CACNA1C: variants seen among roughly 807,000 people sequenced by gnomAD.
CACNA1C encodes the protein voltage-dependent L-type calcium channel subunit alpha-1C.
Under a neutral mutation model 229.0 loss-of-function variants are expected in CACNA1C, and 30 were observed. That is an observed-to-expected ratio of 0.13 (90% confidence interval 0.10 to 0.18). The LOEUF is 0.18. Among genes scored for constraint, CACNA1C ranks in the 10% least tolerant of loss-of-function variants. The pLI is 1.00. For synonymous variants in CACNA1C, 1,114 were observed against 1,132.5 expected (o/e 0.98, Z 0.33); for missense variants, 1,658 against 2,845.0 (o/e 0.58, Z 9.49).
chr12:2,002,726 T>A (rs1226176552), intron 1 of CACNA1C, among the ~76,000 whole-genome samples: 1 of 152,208 alleles, frequency 6.6e-6, no homozygotes, highest in Admixed American at 6.5e-5. Flanking sequence ...GGTCCTCATC[T>A]CTCTACTACG....
At chr12:2,194,064 C>T (rs1342837188) in intron 3 of CACNA1C, among the ~76,000 whole-genome samples, 13 of 152,114 alleles carry the variant, frequency 8.5e-5, no homozygotes, top group Non-Finnish European at 1.5e-5. Flanking sequence ...CTCTTAGAGT[C>T]AGCGGATTCC....
chr12:2,471,039 C>T (rs1298897406), intron 5 of CACNA1C, among the ~76,000 whole-genome samples: 1 of 152,174 alleles, frequency 6.6e-6, no homozygotes, highest in Non-Finnish European at 1.5e-5. Context: ...ACCATGTTGG[C>T]CAGGCAGGTC....
chr12:2,205,399 C>T (rs538818629), intron 3 of CACNA1C, among the ~76,000 whole-genome samples: 107 of 152,308 alleles, frequency 7.0e-4, no homozygotes, highest in African/African-American at 2.4e-3. Flanking sequence ...GCTTTCTCTT[C>T]GGGTCTCATT....
rs144592831 is a variant in CACNA1C, at chr12:2,142,599, C to T, written c.477+22169C>T. 1.1e-4 allele frequency among the ~76,000 whole-genome samples: 16 copies of T among 151,472 alleles called. 1 individual carries two copies. Among genetic ancestry groups the T allele is most frequent in the African/African-American group, 3.9e-4 (16 of 41,490 alleles). Reference sequence around the variant, plus strand: ...GGTAGCCATAAGAAGGCATTGTCATCTTAGGACATGCAGCTGTGTATTATT... The same window carrying T: ...GGTAGCCATAAGAAGGCATTGTCATTTTAGGACATGCAGCTGTGTATTATT... On this transcript the variant is annotated intron_variant, in intron 3 of 46. Transcript: ENST00000399655.
At chr12:2,590,577 C>A (rs1393394112) in intron 18 of CACNA1C, among the ~76,000 whole-genome samples, 1 of 152,138 alleles carries the variant, frequency 6.6e-6, no homozygotes, top group Non-Finnish European at 1.5e-5. Context: ...CTTCAGAAAT[C>A]GTTTCCTCTT....
Position 2,651,849 on chromosome 12 carries a change from C to A in CACNA1C, c.4074+81C>A. Reference sequence around the variant, plus strand: ...AGAACACAGCTGACACAAGGAGGAGCCCTCCACTCTGGGGCCCTGCTCCTT... The same window carrying A: ...AGAACACAGCTGACACAAGGAGGAGACCTCCACTCTGGGGCCCTGCTCCTT... On this transcript the variant is annotated intron_variant, in intron 32 of 46. Transcript: ENST00000399655. The surrounding 1 kb of genome is among the most constrained non-coding windows in gnomAD (Gnocchi z 5.4). 2 of 1,157,098 alleles carry A rather than the reference C, an allele frequency of 1.7e-6. No individual in the cohort carries two copies. The highest frequency in any genetic ancestry group is 2.4e-5 in the Admixed American group (1 of 42,036). The allele number at this position is 1,157,098 out of a possible 1,614,324, so 71.7% of individuals were successfully genotyped here. A position where few individuals can be genotyped will look rare whatever the true frequency, so the allele number is the denominator to read the frequency against.
chr12:2,578,106 G>A (rs2059195383), intron 13 of CACNA1C, among the ~76,000 whole-genome samples: 1 of 152,044 alleles, frequency 6.6e-6, no homozygotes, highest in South Asian at 2.1e-4. Flanking sequence ...CTGACCTCGT[G>A]ATCCGCCCGC....
At chr12:2,048,852 G>GGAAGAA (rs151107211), upstream of CACNA1C, among the ~76,000 whole-genome samples, 7 of 152,018 alleles carry the variant, frequency 4.6e-5, no homozygotes, top group African/African-American at 7.2e-5. Context: ...GACCAGACAG[G>GGAAGAA]GAAGAAGAAG....
chr12:2,359,977 C>T (rs1259782335), intron 3 of CACNA1C, among the ~76,000 whole-genome samples: 1 of 152,100 alleles, frequency 6.6e-6, no homozygotes, highest in Non-Finnish European at 1.5e-5. Flanking sequence ...TGTAAGTCAT[C>T]CAGTGCACAG....
rs2095318246 is a variant in CACNA1C, at chr12:2,654,713, A to G, written c.4141-434A>G. Among the ~76,000 whole-genome samples the G allele has an allele frequency of 6.6e-6, 1 of 152,244 alleles. No individual in the cohort carries two copies. On this transcript the variant is annotated intron_variant, in intron 33 of 46. Coordinates refer to ENST00000399655, the MANE Select transcript of CACNA1C (RefSeq NM_000719.7). This position sits in a 1 kb window ranked among gnomAD's most constrained non-coding sequence, Gnocchi z 4.4. ...GACCAGGAAGAAAAGGGATTTCAGG[A>G]ATGCATTAAGCTTGCCCTAGCCTCA...
intron 3 of CACNA1C, among the ~76,000 whole-genome samples, chr12:2,178,677 G>A (rs2096740350): frequency 6.6e-6 from 1 of 152,146 alleles, no homozygotes; most frequent in South Asian, 2.1e-4. Flanking sequence ...TCCCACTCGG[G>A]AGCCTTTGGA....
Position 2,275,328 on chromosome 12 carries a change from C to G in CACNA1C, c.477+154898C>G, listed in dbSNP as rs767708569. 3.3e-5 allele frequency among the ~76,000 whole-genome samples: 5 copies of G among 152,148 alleles called. No individual in the cohort carries two copies. Among genetic ancestry groups the G allele is most frequent in the Non-Finnish European group, 7.4e-5 (5 of 68,018 alleles). ...GGCATGACTATGTGTCTCTGCCTGT[C>G]TGTGGACCCCGACTCCTCACCATCA... On this transcript the variant is annotated intron_variant, in intron 3 of 46. Transcript: ENST00000399655. The surrounding 1 kb of genome is among the most constrained non-coding windows in gnomAD (Gnocchi z 4.1).
At chr12:2,444,929 T>C (rs994186681) in intron 3 of CACNA1C, among the ~76,000 whole-genome samples, 1 of 152,166 alleles carries the variant, frequency 6.6e-6, no homozygotes, top group African/African-American at 2.4e-5. Flanking sequence ...AGTGCCAGAT[T>C]GCAGGGCGTA....
intron 9 of CACNA1C, among the ~76,000 whole-genome samples, chr12:2,519,811 C>T (rs1228037301): frequency 6.6e-6 from 1 of 152,174 alleles, no homozygotes. Context: ...GCGTGGGGGC[C>T]ATGTTGTAGT....
intron 3 of CACNA1C, among the ~76,000 whole-genome samples, chr12:2,385,594 C>T (rs930735586): frequency 2.0e-5 from 3 of 152,094 alleles, no homozygotes; most frequent in Admixed American, 1.3e-4. Flanking sequence ...AGTCTCTTGA[C>T]GGGTCCCCCT....
At chr12:2,310,352 A>AAAAAATATATATAT (rs201363709) in intron 3 of CACNA1C, among the ~76,000 whole-genome samples, 5 of 139,828 alleles carry the variant, frequency 3.6e-5, no homozygotes, top group African/African-American at 1.3e-4. Context: ...TAAAAAAAAA[A>AAAAAATATATATAT]ATATATATAT....
chr12:2,052,270 C>A (rs1488420899), upstream of CACNA1C, among the ~76,000 whole-genome samples: 1 of 152,200 alleles, frequency 6.6e-6, no homozygotes, highest in Non-Finnish European at 1.5e-5. Flanking sequence ...CATCTGGGCA[C>A]CGCTGCCTCG....
At chr12:2,429,722 T>C (rs1012880876) in intron 3 of CACNA1C, among the ~76,000 whole-genome samples, 1 of 152,174 alleles carries the variant, frequency 6.6e-6, no homozygotes, top group Non-Finnish European at 1.5e-5. Flanking sequence ...TGCTTGGAGC[T>C]ATTTGATAGA....
intron 8 of CACNA1C, among the ~76,000 whole-genome samples, chr12:2,509,921 G>A (rs762990412): frequency 1.3e-5 from 2 of 152,208 alleles, no homozygotes; most frequent in Non-Finnish European, 2.9e-5. Context: ...ACATTTTAGT[G>A]AGTAGGCGCA....
Sources: allele counts gnomAD v4.1 joint callset (sites outside exome capture counted in the v4.1 genomes callset), GRCh38; gene constraint gnomAD v4.1.1; non-coding constraint Gnocchi (gnomAD v3.1); transcripts MANE v1.5; gene names NCBI Gene and HGNC (gene_info 2026-07-23, HGNC 2026-07-21).